PHACTR3: variants seen among roughly 807,000 people sequenced by gnomAD.
PHACTR3 encodes phosphatase and actin regulator 3.
Under a neutral mutation model 66.8 loss-of-function variants are expected in PHACTR3, and 16 were observed. The ratio of observed to expected loss-of-function variants is 0.24; its 90% CI spans 0.16 to 0.36. PHACTR3 has a LOEUF of 0.36. PHACTR3 is among the 10% of genes least tolerant of loss of function. PHACTR3 has a pLI of 1.00. For synonymous variants in PHACTR3, 323 were observed against 292.1 expected, an observed-to-expected ratio of 1.11 and a Z score of -1.08; for missense variants, 647 against 719.9, an observed-to-expected ratio of 0.90 and a Z score of 1.16.
intron 1 of PHACTR3, among the ~76,000 whole-genome samples, chr20:59,668,953 G>A (rs1023187906): frequency 9.5e-5 from 14 of 147,358 alleles, no homozygotes; most frequent in East Asian, 4.0e-4. Flanking sequence ...TCACCATGTC[G>A]GCCAGGCTGG....
At chr20:59,789,593 C>CAA (rs949050501) in intron 7 of PHACTR3, among the ~76,000 whole-genome samples, 18 of 152,246 alleles carry the variant, frequency 1.2e-4, no homozygotes, top group African/African-American at 4.3e-4. Context: ...CTTAGAGTGT[C>CAA]AACAAAATGA....
chr20:59,588,550 A>G (rs2033101054), intron 1 of PHACTR3, among the ~76,000 whole-genome samples: 1 of 152,104 alleles, frequency 6.6e-6, no homozygotes, highest in South Asian at 2.1e-4. Context: ...CCAGGATAAA[A>G]TCCACGCTTC....
At chr20:59,677,661 T>C (rs1202181351) in intron 1 of PHACTR3, among the ~76,000 whole-genome samples, 1 of 152,216 alleles carries the variant, frequency 6.6e-6, no homozygotes, top group Non-Finnish European at 1.5e-5. Context: ...GTCTGAATGC[T>C]AAAACCCCTT....
At chr20:59,710,990 A>G (rs1455800387) in intron 1 of PHACTR3, among the ~76,000 whole-genome samples, 1 of 152,334 alleles carries the variant, frequency 6.6e-6, no homozygotes, top group East Asian at 1.9e-4. Context: ...TCCCAGTCAT[A>G]TCAACCAGTT....
intron 1 of PHACTR3, among the ~76,000 whole-genome samples, chr20:59,710,661 C>G (rs1221289441): frequency 6.6e-6 from 1 of 151,764 alleles, no homozygotes; most frequent in Admixed American, 6.7e-5. Flanking sequence ...CAATGACTCC[C>G]TAAATTCCAA....
chr20:59,818,484 A>C (rs2041944201), intron 8 of PHACTR3, among the ~76,000 whole-genome samples: 1 of 152,232 alleles, frequency 6.6e-6, no homozygotes, highest in East Asian at 1.9e-4. Context: ...ACGCACTTTA[A>C]GTGTCCAATT....
chr20:59,837,127 C>T (rs953327445), intron 9 of PHACTR3, among the ~76,000 whole-genome samples: 3 of 152,190 alleles, frequency 2.0e-5, no homozygotes, highest in African/African-American at 4.8e-5. Context: ...CCTCCATGCT[C>T]TAGGGCACTA....
intron 5 of PHACTR3, among the ~76,000 whole-genome samples, chr20:59,770,838 T>C (rs2040334312): frequency 6.6e-6 from 1 of 152,202 alleles, no homozygotes; most frequent in South Asian, 2.1e-4. Flanking sequence ...ACCTCTCCTT[T>C]ACCCCTGCTG....
Position 59,830,213 on chromosome 20 carries a change from A to AGAAGAGGGTATGAGTGTCTGATG in PHACTR3, c.1329-6284_1329-6283insTATGAGTGTCTGATGGAAGAGGG, listed in dbSNP as rs1568864646. Among the ~76,000 whole-genome samples the AGAAGAGGGTATGAGTGTCTGATG allele has an allele frequency of 1.4e-3, 198 of 143,386 alleles. No homozygotes were observed. Among genetic ancestry groups the AGAAGAGGGTATGAGTGTCTGATG allele is most frequent in the African/African-American group, 4.4e-3 (152 of 34,690 alleles). The allele number at this position is 143,386 out of a possible 152,430, so 94.1% of individuals were successfully genotyped here. On this transcript the variant is annotated intron_variant, in intron 8 of 12. Transcript: ENST00000371015. This position sits in a 1 kb window ranked among gnomAD's most constrained non-coding sequence, Gnocchi z 5.8. ...ATGGAAGAGGGTATGAGTGTCTGATAGAAGAGGGCGTGAGTGTCTGATGGA... is the reference window on the plus strand; with the variant it reads ...ATGGAAGAGGGTATGAGTGTCTGATAGAAGAGGGTATGAGTGTCTGATGGAAGAGGGCGTGAGTGTCTGATGGA...
chr20:59,785,286 T>C (rs2040867064), intron 7 of PHACTR3, among the ~76,000 whole-genome samples: 1 of 152,190 alleles, frequency 6.6e-6, no homozygotes, highest in African/African-American at 2.4e-5. Flanking sequence ...ATGAGTACTC[T>C]GGCCTCTGTT....
At chr20:59,823,461 T>C (rs930987816) in intron 8 of PHACTR3, among the ~76,000 whole-genome samples, 2 of 152,172 alleles carry the variant, frequency 1.3e-5, no homozygotes, top group Non-Finnish European at 2.9e-5. Context: ...AAAGAAGAGA[T>C]CATAAGCATG....
chr20:59,604,608 G>A lies in PHACTR3; in HGVS notation c.-407G>A. ...TTTTCCTGGGGGGGTGGGGGGTGGG[G>A]TGGGGGGAGGGAGCGCCCCCAGACA... On this transcript the variant is annotated 5_prime_UTR_variant, in exon 1 of 13. The change creates a new upstream start codon in the 5' untranslated region. Coordinates refer to ENST00000371015, the MANE Select transcript of PHACTR3 (RefSeq NM_080672.5). The A allele has an allele frequency of 3.3e-6, 1 of 305,900 alleles. No individual in the cohort carries two copies. Among genetic ancestry groups the A allele is most frequent in the Non-Finnish European group, 4.7e-6 (1 of 212,090 alleles). The allele number at this position is 305,900 out of a possible 1,614,324, so 18.9% of individuals were successfully genotyped here.
chr20:59,788,456 C>T (rs891970220), intron 7 of PHACTR3, among the ~76,000 whole-genome samples: 4 of 152,198 alleles, frequency 2.6e-5, no homozygotes, highest in African/African-American at 9.6e-5. Flanking sequence ...AACCTCCAAC[C>T]CTGCTCTCTC....
chr20:59,588,190 C>T (rs942826615), intron 1 of PHACTR3, among the ~76,000 whole-genome samples: 5 of 152,186 alleles, frequency 3.3e-5, no homozygotes, highest in Non-Finnish European at 5.9e-5. Flanking sequence ...TTAAACAGCA[C>T]ATAAACTCAT....
intron 7 of PHACTR3, among the ~76,000 whole-genome samples, chr20:59,777,345 A>C (rs1161569182): frequency 6.6e-6 from 1 of 152,108 alleles, no homozygotes; most frequent in Non-Finnish European, 1.5e-5. Flanking sequence ...TCTTTTAGAG[A>C]ACCCCCTTTC....
chr20:59,685,511 A>G (rs2036831644), intron 1 of PHACTR3, among the ~76,000 whole-genome samples: 1 of 152,184 alleles, frequency 6.6e-6, no homozygotes, highest in Non-Finnish European at 1.5e-5. Flanking sequence ...AGATATTCAA[A>G]TGCTGAGAAC....
At position 59,747,818 on chromosome 20, in the gene PHACTR3, T is replaced by C. The variant is rs1169605825; in HGVS notation, c.341T>C (p.Leu114Pro). Residue 114 changes from leucine (L) to proline (P), a missense_variant, in exon 3 of 13, where the codon CTG (leucine) becomes CCG (proline). Coordinates refer to ENST00000371015, the MANE Select transcript of PHACTR3 (RefSeq NM_080672.5). ...GAGGAGCTCATCAAGAAGGGGCTGC[T>C]GGAGATGATGGAGCAGGGTAAGTGG... ...GREELIKKGL[L>P]EMMEQDAESK... 1 of 1,614,010 alleles carries C rather than the reference T, an allele frequency of 6.2e-7. No individual in the cohort carries two copies.
intron 9 of PHACTR3, among the ~76,000 whole-genome samples, chr20:59,837,206 C>A (rs562527614): frequency 7.2e-5 from 11 of 152,172 alleles, no homozygotes; most frequent in Admixed American, 4.6e-4. Context: ...AGTGTTTCTC[C>A]AATAGTTCTT....
chr20:59,584,246 T>TTG (rs146127124), intron 1 of PHACTR3, among the ~76,000 whole-genome samples: 5 of 151,238 alleles, frequency 3.3e-5, no homozygotes, highest in Admixed American at 6.6e-5. Context: ...GTGTGCCTGA[T>TTG]TGTGTGTGTG....
Sources: gnomAD v4.1 joint callset for allele counts (sites outside exome capture counted in the v4.1 genomes callset) on GRCh38, gnomAD v4.1.1 for gene constraint, Gnocchi (gnomAD v3.1) non-coding constraint, MANE v1.5 for transcripts, NCBI Gene and HGNC (gene_info 2026-07-23, HGNC 2026-07-21) for gene names.